The following NEK11 variants were observed in gnomAD, a reference collection of about 807,000 sequenced individuals.
NEK11 encodes the protein NIMA related kinase 11, also known as serine/threonine-protein kinase Nek11.
A neutral mutation model predicts 80.7 loss-of-function variants in NEK11; 72 were observed. The ratio of observed to expected loss-of-function variants is 0.89; its 90% confidence interval spans 0.74 to 1.08. The LOEUF (loss-of-function observed/expected upper bound fraction) is 1.08. Among genes scored for constraint, NEK11 ranks in the 50% least tolerant of loss-of-function variants. The pLI is 0.00. For missense variants in NEK11, 764 were observed against 763.6 expected, an observed-to-expected ratio of 1.00 and a Z score of -0.01; for synonymous variants, 251 against 260.7, an observed-to-expected ratio of 0.96 and a Z score of 0.36.
intron 15 of NEK11, among the ~76,000 whole-genome samples, chr3:131,236,783 C>T (rs2095438402): frequency 6.6e-6 from 1 of 152,174 alleles, no homozygotes; most frequent in African/African-American, 2.4e-5. Flanking sequence ...CAGGGAAGCC[C>T]TCACAAAGGT....
intron 3 of NEK11, among the ~76,000 whole-genome samples, chr3:131,042,438 A>C (rs993149831): frequency 7.9e-5 from 12 of 152,088 alleles, no homozygotes; most frequent in African/African-American, 1.4e-4. Context: ...AGGGGTGTTC[A>C]CCATTACTGA....
At chr3:131,188,045 G>A (rs1342915267) in intron 14 of NEK11, among the ~76,000 whole-genome samples, 1 of 152,064 alleles carries the variant, frequency 6.6e-6, no homozygotes, top group Non-Finnish European at 1.5e-5. Flanking sequence ...GTTAATGAAG[G>A]GTACACAGGC....
At chr3:131,156,280 A>G (rs775057874) in intron 10 of NEK11, among the ~76,000 whole-genome samples, 1 of 152,190 alleles carries the variant, frequency 6.6e-6, no homozygotes, top group Non-Finnish European at 1.5e-5. Context: ...TGTCCTCTGG[A>G]GTCTGTTGTC....
chr3:131,257,106 C>A (rs2095829489), intron 16 of NEK11, among the ~76,000 whole-genome samples: 1 of 152,012 alleles, frequency 6.6e-6, no homozygotes, highest in African/African-American at 2.4e-5. Flanking sequence ...CCGCTTCAGC[C>A]TCTCATGCAG....
intron 17 of NEK11, among the ~76,000 whole-genome samples, chr3:131,275,429 A>G (rs2096276699): frequency 6.6e-6 from 1 of 152,156 alleles, no homozygotes; most frequent in African/African-American, 2.4e-5. Flanking sequence ...TGCTAAATTA[A>G]TTGGCCAAGA....
intron 14 of NEK11, among the ~76,000 whole-genome samples, chr3:131,207,373 G>A (rs1318334642): frequency 6.6e-6 from 1 of 152,142 alleles, no homozygotes; most frequent in Non-Finnish European, 1.5e-5. Flanking sequence ...CACGAGGTCA[G>A]GAGATCGAGA....
intron 17 of NEK11, among the ~76,000 whole-genome samples, chr3:131,310,519 A>G (rs1052905380): frequency 1.3e-5 from 2 of 152,188 alleles, no homozygotes; most frequent in African/African-American, 4.8e-5. Flanking sequence ...ATTATCTTCT[A>G]AAGATTTTTA....
intron 5 of NEK11, among the ~76,000 whole-genome samples, chr3:131,119,303 G>A (rs1274741806): frequency 6.6e-6 from 1 of 152,174 alleles, no homozygotes; most frequent in Non-Finnish European, 1.5e-5. Flanking sequence ...TTAATCCTGA[G>A]TTCTAGTTTG....
chr3:131,302,482 C>A (rs932771844), intron 17 of NEK11, among the ~76,000 whole-genome samples: 1 of 152,084 alleles, frequency 6.6e-6, no homozygotes, highest in African/African-American at 2.4e-5. Context: ...TTGATGTGAA[C>A]ATCTAGCACT....
intron 15 of NEK11, among the ~76,000 whole-genome samples, chr3:131,238,076 T>C (rs1460559342): frequency 6.6e-6 from 1 of 152,172 alleles, no homozygotes; most frequent in African/African-American, 2.4e-5. Context: ...ACACCAAGCA[T>C]GTCCCTGGCT....
intron 17 of NEK11, among the ~76,000 whole-genome samples, chr3:131,277,703 T>A (rs1452652660): frequency 6.6e-6 from 1 of 152,190 alleles, no homozygotes; most frequent in Admixed American, 6.5e-5. Flanking sequence ...CCTAGCACAG[T>A]GGTCAGAAGG....
chr3:131,239,399 A>G (rs547062495), intron 15 of NEK11, among the ~76,000 whole-genome samples: 1 of 152,280 alleles, frequency 6.6e-6, no homozygotes, highest in Admixed American at 6.5e-5. Flanking sequence ...TTATAGGTCT[A>G]TGCCTGCTCA....
At chr3:131,131,207 G>T (rs1346766662) in intron 5 of NEK11, among the ~76,000 whole-genome samples, 2 of 152,150 alleles carry the variant, frequency 1.3e-5, no homozygotes, top group Non-Finnish European at 2.9e-5. Flanking sequence ...TCTTTGTTTG[G>T]TTTTAATGTT....
At chr3:131,120,078 G>T (rs1388781649) in intron 5 of NEK11, among the ~76,000 whole-genome samples, 1 of 152,152 alleles carries the variant, frequency 6.6e-6, no homozygotes, top group Non-Finnish European at 1.5e-5. Flanking sequence ...TAGCATCGAT[G>T]GTCTTTACAA....
At chr3:131,286,791 A>G (rs1193184937) in intron 17 of NEK11, among the ~76,000 whole-genome samples, 1 of 152,210 alleles carries the variant, frequency 6.6e-6, no homozygotes, top group Non-Finnish European at 1.5e-5. Context: ...TTACTCTGAC[A>G]GTATGGTATG....
chr3:131,247,085 G>T (rs116215963), intron 16 of NEK11, among the ~76,000 whole-genome samples: 1,569 of 152,170 alleles, frequency 0.01, 15 homozygotes, highest in Non-Finnish European at 0.012. Flanking sequence ...TAATTCTGCT[G>T]TTTATTTCTT....
chr3:131,259,844 A>G (rs541106395), intron 16 of NEK11, among the ~76,000 whole-genome samples: 3 of 152,308 alleles, frequency 2.0e-5, no homozygotes, highest in Admixed American at 6.5e-5. Context: ...TGGGGTAGCA[A>G]GTTCTTCCTT....
intron 17 of NEK11, among the ~76,000 whole-genome samples, chr3:131,323,401 G>A (rs1004252704): frequency 6.6e-6 from 1 of 152,142 alleles, no homozygotes; most frequent in African/African-American, 2.4e-5. Context: ...TGTAAAATGA[G>A]GTATCGATTC....
At chr3:131,064,362 G>A (rs536813511) in intron 3 of NEK11, among the ~76,000 whole-genome samples, 2 of 152,272 alleles carry the variant, frequency 1.3e-5, no homozygotes, top group South Asian at 4.1e-4. Context: ...GCTCTCCTTG[G>A]CTTGTAGATG....
Sources: gnomAD v4.1 joint callset for allele counts (sites outside exome capture counted in the v4.1 genomes callset) on GRCh38, gnomAD v4.1.1 for gene constraint, MANE v1.5 for transcripts, NCBI Gene and HGNC (gene_info 2026-07-23, HGNC 2026-07-21) for gene names.